The following DGKB variants were observed in gnomAD, a reference collection of about 807,000 sequenced individuals.
DGKB encodes the protein 90 kDa diacylglycerol kinase.
In DGKB, 67 loss-of-function variants were observed where a neutral mutation model predicts 114.3. The observed-to-expected ratio is 0.59, with a 90% CI of 0.48 to 0.72. The LOEUF is 0.72. DGKB is among the 30% of genes least tolerant of loss of function. The probability of loss-of-function intolerance (pLI) is 0.00; values close to 1 mark genes in which losing one functional copy is unlikely to be tolerated. For synonymous variants in DGKB, 398 were observed against 323.1 expected (o/e 1.23, Z -2.49); for missense variants, 907 against 975.2 (o/e 0.93, Z 0.93).
intron 1 of DGKB, among the ~76,000 whole-genome samples, chr7:14,862,153 G>A (rs1851072492): frequency 6.6e-6 from 1 of 151,822 alleles, no homozygotes; most frequent in South Asian, 2.1e-4. Flanking sequence ...CTTCACCGAG[G>A]TAAAATTGAC....
At chr7:14,515,444 C>T (rs891560940) in intron 20 of DGKB, among the ~76,000 whole-genome samples, 2 of 152,138 alleles carry the variant, frequency 1.3e-5, no homozygotes, top group Non-Finnish European at 2.9e-5. Context: ...TTTTTCCCTG[C>T]TGTTACAAAT....
rs1490863976 is a variant in DGKB at position 14,146,755 on chromosome 7, C to T, written c.*2376G>A. On this transcript the variant is annotated 3_prime_UTR_variant, in exon 26 of 26. Transcript: ENST00000402815. ...CCTATTTGAACATTTATTATGGGTA[C>T]CAAAGAATCCATCTGACTGAAAATG... The T allele has an allele frequency of 6.6e-6, 1 of 152,044 alleles. No individual in the cohort carries two copies. Among genetic ancestry groups the T allele is most frequent in the Non-Finnish European group, 1.5e-5 (1 of 67,980 alleles). The allele number at this position is 152,044 out of a possible 1,614,324, so 9.4% of individuals were successfully genotyped here. A position where few individuals can be genotyped will look rare whatever the true frequency, so the allele number is the denominator to read the frequency against.
At chr7:14,529,076 A>T (rs1791126087) in intron 20 of DGKB, among the ~76,000 whole-genome samples, 1 of 152,046 alleles carries the variant, frequency 6.6e-6, no homozygotes, top group Non-Finnish European at 1.5e-5. Flanking sequence ...TCCTAAAATA[A>T]TGAAGTAACA....
At chr7:14,687,659 A>T (rs1821954129) in intron 9 of DGKB, among the ~76,000 whole-genome samples, 1 of 152,222 alleles carries the variant, frequency 6.6e-6, no homozygotes, top group African/African-American at 2.4e-5. Context: ...TATTTAAAAA[A>T]TTAAAAGTAG....
chr7:14,239,345 T>C (rs1411307646), intron 23 of DGKB, among the ~76,000 whole-genome samples: 1 of 152,070 alleles, frequency 6.6e-6, no homozygotes, highest in Non-Finnish European at 1.5e-5. Flanking sequence ...TTAAAGCTCA[T>C]AGGTATGATA....
intron 1 of DGKB, among the ~76,000 whole-genome samples, chr7:14,953,276 T>G (rs1198736365): frequency 6.6e-6 from 1 of 152,136 alleles, no homozygotes; most frequent in African/African-American, 2.4e-5. Context: ...CACAAACTAC[T>G]GAATGGATAA....
At chr7:14,616,697 G>A (rs1585131075) in intron 15 of DGKB, among the ~76,000 whole-genome samples, 1 of 151,684 alleles carries the variant, frequency 6.6e-6, no homozygotes, top group Non-Finnish European at 1.5e-5. Flanking sequence ...TTGTTTAAAG[G>A]ATGAAAGAAC....
chr7:14,917,017 A>G (rs1784272541), intron 1 of DGKB, among the ~76,000 whole-genome samples: 1 of 152,164 alleles, frequency 6.6e-6, no homozygotes, highest in African/African-American at 2.4e-5. Context: ...GAAATTAAAC[A>G]GCATTTTTAA....
At chr7:14,275,659 CA>C (rs1400616716) in intron 23 of DGKB, among the ~76,000 whole-genome samples, 1 of 152,196 alleles carries the variant, frequency 6.6e-6, no homozygotes, top group Admixed American at 6.5e-5. Flanking sequence ...AGACAAGCAA[CA>C]GCTGAAACAA....
chr7:14,466,660 A>C (rs13247309), intron 21 of DGKB, among the ~76,000 whole-genome samples: 52,494 of 148,830 alleles, frequency 0.35, 9,526 homozygotes, highest in South Asian at 0.41. Flanking sequence ...AAAAAAAAAA[A>C]CACAAAAATT....
At chr7:14,661,069 A>G (rs930763349) in intron 13 of DGKB, among the ~76,000 whole-genome samples, 3 of 151,584 alleles carry the variant, frequency 2.0e-5, no homozygotes, top group Admixed American at 6.6e-5. Flanking sequence ...TGGATTAAAG[A>G]CTTAAATGTT....
At chr7:14,466,306 C>G (rs1438814035) in intron 21 of DGKB, among the ~76,000 whole-genome samples, 1 of 152,138 alleles carries the variant, frequency 6.6e-6, no homozygotes, top group Admixed American at 6.5e-5. Flanking sequence ...TGCCTGTAAT[C>G]CCAGCACTTT....
chr7:14,228,996 A>AAGAAAATG (rs1419846321), intron 23 of DGKB, among the ~76,000 whole-genome samples: 1 of 151,886 alleles, frequency 6.6e-6, no homozygotes, highest in Non-Finnish European at 1.5e-5. Flanking sequence ...AAATTTCATT[A>AAGAAAATG]AGAAAATGAG....
At chr7:14,313,503 A>G (rs1016964945) in intron 23 of DGKB, among the ~76,000 whole-genome samples, 1 of 152,156 alleles carries the variant, frequency 6.6e-6, no homozygotes, top group Admixed American at 6.5e-5. Flanking sequence ...AATCAAAGAA[A>G]GGGGTGACGG....
chr7:14,866,086 G>GT (rs1851669617), intron 1 of DGKB, among the ~76,000 whole-genome samples: 2 of 152,080 alleles, frequency 1.3e-5, no homozygotes, highest in African/African-American at 4.8e-5. Flanking sequence ...GCATAGACTT[G>GT]TTTTTTAAAG....
intron 23 of DGKB, among the ~76,000 whole-genome samples, chr7:14,277,466 C>A (rs1184045103): frequency 6.6e-6 from 1 of 152,132 alleles, no homozygotes; most frequent in Admixed American, 6.6e-5. Flanking sequence ...AATCACTGTG[C>A]CTGGCAAGAG....
At chr7:14,906,069 C>T (rs217603), upstream of DGKB, among the ~76,000 whole-genome samples, 85,385 of 151,894 alleles carry the variant, frequency 0.56, 26,749 homozygotes, top group East Asian at 0.88. Context: ...ACTATACAAA[C>T]TCAATCAATA....
In DGKB at chr7:14,607,474, G is replaced by A. The variant is rs769123908; in HGVS notation, c.1393C>T (p.Arg465Cys). ...TTTCCAGAAAGACTGTAAACCTGAC[G>A]AGGATTTAATAGATACTGGAATTTT... Reference protein sequence around the residue: ...YRKFQYLLNPRQVYSLSGNGP... With the variant: ...YRKFQYLLNPCQVYSLSGNGP... Residue 465 changes from arginine (R) to cysteine (C), a missense_variant, in exon 17 of 26, where the codon CGT (arginine) becomes TGT (cysteine). By Grantham distance (180) the Arg-to-Cys change is radical. Coordinates refer to ENST00000402815, the MANE Select transcript of DGKB (RefSeq NM_001350709.2). 3 of 1,590,036 alleles carry A rather than the reference G, an allele frequency of 1.9e-6. No homozygotes were observed. Among genetic ancestry groups the A allele is most frequent in the Middle Eastern group, 1.7e-4 (1 of 6,004 alleles).
At chr7:14,539,978 A>C (rs748450663) in intron 20 of DGKB, among the ~76,000 whole-genome samples, 15 of 152,032 alleles carry the variant, frequency 9.9e-5, no homozygotes, top group Non-Finnish European at 1.5e-4. Flanking sequence ...TATGCAGAAA[A>C]ACATCATTGA....
Sources: allele counts gnomAD v4.1 joint callset (sites outside exome capture counted in the v4.1 genomes callset), GRCh38; gene constraint gnomAD v4.1.1; transcripts MANE v1.5; gene names NCBI Gene and HGNC (gene_info 2026-07-23, HGNC 2026-07-21).